UBE2H: variants seen among roughly 807,000 people sequenced by gnomAD.
UBE2H encodes the protein ubiquitin conjugating enzyme E2 H.
Under a neutral mutation model 29.0 loss-of-function variants are expected in UBE2H, and 3 were observed. The observed-to-expected ratio is 0.10, with a 90% CI of 0.05 to 0.27. The LOEUF (loss-of-function observed/expected upper bound fraction) is 0.27, where lower values mean the gene tolerates loss of function less well. UBE2H is among the 10% of genes least tolerant of loss of function. UBE2H has a pLI of 1.00. For missense variants in UBE2H, 68 were observed against 228.2 expected (o/e 0.30, Z 4.52); for synonymous variants, 69 against 82.9 (o/e 0.83, Z 0.91).
chr7:129,835,298 C>T (rs1805301787), intron 6 of UBE2H, among the ~76,000 whole-genome samples: 1 of 152,190 alleles, frequency 6.6e-6, no homozygotes, highest in African/African-American at 2.4e-5. Context: ...AGCAACACAG[C>T]AGGCTCAGCT....
chr7:129,835,169 C>G (rs1260241763), intron 6 of UBE2H, 108 bp from the exon 7 acceptor site: 5 of 1,451,906 alleles, frequency 3.4e-6, no homozygotes, highest in Non-Finnish European at 4.7e-6. Flanking sequence ...ACCTTGAACA[C>G]CAGGGGGGAC....
intron 1 of UBE2H, among the ~76,000 whole-genome samples, chr7:129,947,340 T>A (rs1294941785): frequency 6.6e-6 from 1 of 152,182 alleles, no homozygotes; most frequent in Admixed American, 6.5e-5. Flanking sequence ...TTGAAGACCA[T>A]AAAGCTGTGC....
chr7:129,879,499 C>T (rs1447574454), intron 3 of UBE2H, 69 bp downstream of exon 3: 3 of 1,462,672 alleles, frequency 2.1e-6, no homozygotes, highest in Non-Finnish European at 2.8e-6. Flanking sequence ...ATTACCTCCC[C>T]TGAAATGTAA....
chr7:129,946,220 T>TTTC (rs1491563151), intron 1 of UBE2H, among the ~76,000 whole-genome samples: 2 of 141,608 alleles, frequency 1.4e-5, no homozygotes, highest in South Asian at 2.3e-4. Flanking sequence ...GCCCGGCTAA[T>TTTC]TTTTTTTTTT....
At chr7:129,937,558 G>C (rs1807557093) in intron 1 of UBE2H, among the ~76,000 whole-genome samples, 1 of 152,064 alleles carries the variant, frequency 6.6e-6, no homozygotes. Flanking sequence ...AAGATGAGTG[G>C]ATAAAAAAGC....
At chr7:129,890,380 T>C (rs1020034381) in intron 1 of UBE2H, among the ~76,000 whole-genome samples, 8 of 151,802 alleles carry the variant, frequency 5.3e-5, no homozygotes, top group Admixed American at 1.3e-4. Context: ...CACACACTTA[T>C]ATATATATTT....
chr7:129,859,893 CTCAT>C (rs1054235273), intron 3 of UBE2H, among the ~76,000 whole-genome samples: 42 of 152,248 alleles, frequency 2.8e-4, no homozygotes, highest in African/African-American at 7.9e-4. Flanking sequence ...GTCTCTCTCT[CTCAT>C]ATTCATTCAG....
At chr7:129,861,312 T>G (rs1180871302) in intron 3 of UBE2H, among the ~76,000 whole-genome samples, 2 of 152,174 alleles carry the variant, frequency 1.3e-5, no homozygotes, top group Admixed American at 1.3e-4. Flanking sequence ...TTAAAACATA[T>G]GCACATAAAT....
intron 1 of UBE2H, among the ~76,000 whole-genome samples, chr7:129,887,350 T>C (rs373154097): frequency 6.6e-6 from 1 of 151,220 alleles, no homozygotes; most frequent in South Asian, 2.1e-4. Flanking sequence ...GTCTCCCGAG[T>C]AGCTGGGATT....
chr7:129,937,671 G>A (rs1165855506), intron 1 of UBE2H, among the ~76,000 whole-genome samples: 3 of 152,192 alleles, frequency 2.0e-5, no homozygotes, highest in Non-Finnish European at 4.4e-5. Flanking sequence ...TCACTGCCTA[G>A]AGAAATGGGC....
intron 3 of UBE2H, among the ~76,000 whole-genome samples, chr7:129,877,080 T>G (rs1806159051): frequency 6.6e-6 from 1 of 152,240 alleles, no homozygotes; most frequent in Non-Finnish European, 1.5e-5. Flanking sequence ...TACTTTGGCT[T>G]ACAGATTTTC....
intron 1 of UBE2H, among the ~76,000 whole-genome samples, chr7:129,927,294 C>T (rs1040553091): frequency 1.1e-4 from 16 of 152,102 alleles, no homozygotes; most frequent in African/African-American, 3.9e-4. Flanking sequence ...GTAATCCCAG[C>T]ACTTTGAGAG....
At chr7:129,900,043 T>A (rs1806677759) in intron 1 of UBE2H, among the ~76,000 whole-genome samples, 1 of 151,168 alleles carries the variant, frequency 6.6e-6, no homozygotes, top group African/African-American at 2.4e-5. Context: ...GGCAGGAGAA[T>A]CGCTTGAACA....
intron 3 of UBE2H, among the ~76,000 whole-genome samples, chr7:129,869,084 G>A (rs767393044): frequency 1.3e-5 from 2 of 151,950 alleles, no homozygotes; most frequent in Non-Finnish European, 2.9e-5. Flanking sequence ...TTACAGGCAT[G>A]TGCCACCATG....
intron 1 of UBE2H, among the ~76,000 whole-genome samples, chr7:129,948,676 G>A (rs1399644617): frequency 1.3e-5 from 2 of 152,050 alleles, no homozygotes; most frequent in African/African-American, 2.4e-5. Flanking sequence ...TAAATAAGGG[G>A]GGGATCCTAT....
chr7:129,869,507 A>G (rs1199619908), intron 3 of UBE2H, among the ~76,000 whole-genome samples: 1 of 152,016 alleles, frequency 6.6e-6, no homozygotes, highest in African/African-American at 2.4e-5. Flanking sequence ...CTTCTTACTC[A>G]GCTTAAGATT....
At chr7:129,927,652 T>C (rs1308434456) in intron 1 of UBE2H, among the ~76,000 whole-genome samples, 9 of 152,250 alleles carry the variant, frequency 5.9e-5, no homozygotes, top group Non-Finnish European at 1.5e-5. Flanking sequence ...AACCACATCT[T>C]ATAATTCCCA....
chr7:129,949,685 C>CTCCAAAA (rs1807834935), intron 1 of UBE2H, among the ~76,000 whole-genome samples: 1 of 152,200 alleles, frequency 6.6e-6, no homozygotes, highest in South Asian at 2.1e-4. Context: ...GAGACGGTGT[C>CTCCAAAA]TCCAAAAGAA....
chr7:129,947,278 C>T (rs957306839), intron 1 of UBE2H, among the ~76,000 whole-genome samples: 4 of 152,290 alleles, frequency 2.6e-5, no homozygotes, highest in East Asian at 1.9e-4. Flanking sequence ...AAAATCTAGG[C>T]AGGGAAGACA....
Sources: allele counts gnomAD v4.1 joint callset (sites outside exome capture counted in the v4.1 genomes callset), GRCh38; gene constraint gnomAD v4.1.1; transcripts MANE v1.5; gene names NCBI Gene and HGNC (gene_info 2026-07-23, HGNC 2026-07-21).